Variants in KCNIP4 observed in about 807,000 individuals in gnomAD.
KCNIP4 encodes the protein potassium voltage-gated channel interacting protein 4, also known as Kv channel-interacting protein 4.
KCNIP4 carries 12 observed loss-of-function variants against 34.0 expected under a neutral mutation model. That is an observed-to-expected ratio of 0.35 (90% CI 0.23 to 0.57). The LOEUF is 0.57. KCNIP4 is among the 20% of genes least tolerant of loss of function. The pLI is 0.83. For synonymous variants in KCNIP4, 124 were observed against 102.2 expected (o/e 1.21, Z -1.29); for missense variants, 238 against 311.7 (o/e 0.76, Z 1.78).
At chr4:21,049,840 T>C (rs762888095) in intron 1 of KCNIP4, among the ~76,000 whole-genome samples, 3 of 152,250 alleles carry the variant, frequency 2.0e-5, no homozygotes, top group Non-Finnish European at 4.4e-5. Context: ...CTTACAGGCA[T>C]GGTTTTTAAC....
chr4:21,805,838 A>G (rs1481621406), intron 1 of KCNIP4, among the ~76,000 whole-genome samples: 1 of 152,172 alleles, frequency 6.6e-6, no homozygotes, highest in Non-Finnish European at 1.5e-5. Flanking sequence ...TGTGGACTTC[A>G]TATCCAAAGG....
chr4:20,833,329 A>G (rs1202689755), intron 3 of KCNIP4, among the ~76,000 whole-genome samples: 4 of 152,130 alleles, frequency 2.6e-5, no homozygotes, highest in Non-Finnish European at 5.9e-5. Context: ...TACTAAAAAT[A>G]CAAAAATCAG....
chr4:21,152,291 C>A (rs1206409873), intron 1 of KCNIP4, among the ~76,000 whole-genome samples: 1 of 152,010 alleles, frequency 6.6e-6, no homozygotes, highest in Non-Finnish European at 1.5e-5. Flanking sequence ...AAACTGTTGA[C>A]CCTACATCCC....
chr4:21,303,351 C>T (rs16870753), intron 1 of KCNIP4, among the ~76,000 whole-genome samples: 19,613 of 152,172 alleles, frequency 0.13, 1,645 homozygotes, highest in African/African-American at 0.24. Flanking sequence ...TTCTCAGGCT[C>T]CAACCTTAGA....
At chr4:21,640,665 A>G (rs1299753653) in intron 1 of KCNIP4, among the ~76,000 whole-genome samples, 1 of 152,090 alleles carries the variant, frequency 6.6e-6, no homozygotes, top group African/African-American at 2.4e-5. Context: ...TAAATTCAGA[A>G]TCTCTGCTTA....
At chr4:21,080,924 G>A (rs929479555) in intron 1 of KCNIP4, among the ~76,000 whole-genome samples, 1 of 151,868 alleles carries the variant, frequency 6.6e-6, no homozygotes, top group Admixed American at 6.6e-5. Flanking sequence ...AACCCGAAGA[G>A]TAGCATGAAG....
At chr4:20,919,611 G>A (rs552707387) in intron 1 of KCNIP4, among the ~76,000 whole-genome samples, 26 of 149,976 alleles carry the variant, frequency 1.7e-4, no homozygotes, top group Non-Finnish European at 2.9e-4. Context: ...GCTGAGGCAG[G>A]AGAATGGCGT....
chr4:21,636,556 T>C (rs1746180788), intron 1 of KCNIP4, among the ~76,000 whole-genome samples: 1 of 152,172 alleles, frequency 6.6e-6, no homozygotes, highest in Non-Finnish European at 1.5e-5. Context: ...CATTTTTTCC[T>C]GCTGTGTGGC....
chr4:20,883,060 T>C (rs1724897956), intron 1 of KCNIP4, among the ~76,000 whole-genome samples: 2 of 145,490 alleles, frequency 1.4e-5, no homozygotes, highest in African/African-American at 5.1e-5. Context: ...CAAGTATCAC[T>C]AGAAGAGTTA....
chr4:21,304,315 A>C (rs1560273057), intron 1 of KCNIP4, among the ~76,000 whole-genome samples: 1 of 152,174 alleles, frequency 6.6e-6, no homozygotes, highest in Non-Finnish European at 1.5e-5. Flanking sequence ...CCACGCATGA[A>C]GTCGCGGCGC....
intron 1 of KCNIP4, among the ~76,000 whole-genome samples, chr4:21,106,232 C>CTT (rs1417808982): frequency 2.6e-5 from 4 of 150,958 alleles, no homozygotes; most frequent in Admixed American, 2.6e-4. Flanking sequence ...GTCCTGGACT[C>CTT]TTTGGTTGGT....
Position 21,341,090 on chromosome 4 carries a change from C to A in KCNIP4, c.62-458381G>T, listed in dbSNP as rs1207684417. Among the ~76,000 whole-genome samples, 4 of 152,064 alleles carry A rather than the reference C, an allele frequency of 2.6e-5. No homozygotes were observed. In the East Asian group the frequency reaches 5.8e-4, roughly 22 times the overall value. On this transcript the variant is annotated intron_variant, in intron 1 of 8. Coordinates refer to ENST00000382152, the MANE Select transcript of KCNIP4 (RefSeq NM_025221.6). Reference sequence around the variant, plus strand: ...ACACAGCGGAAGGAAAGCTATATGACAATAGAGTCAGATTTTGGAGTAAGT... The same window carrying A: ...ACACAGCGGAAGGAAAGCTATATGAAAATAGAGTCAGATTTTGGAGTAAGT...
chr4:21,703,312 T>C (rs1481631113), intron 1 of KCNIP4, among the ~76,000 whole-genome samples: 3 of 152,096 alleles, frequency 2.0e-5, no homozygotes, highest in Non-Finnish European at 4.4e-5. Context: ...ATAAAATCTT[T>C]CCATTTGCTG....
intron 1 of KCNIP4, among the ~76,000 whole-genome samples, chr4:21,227,390 C>A (rs1370828987): frequency 1.3e-5 from 2 of 152,110 alleles, no homozygotes; most frequent in African/African-American, 4.8e-5. Context: ...GGGAAGCATG[C>A]CCACTAACAA....
At chr4:20,850,977 A>C (rs576936736) in intron 2 of KCNIP4, among the ~76,000 whole-genome samples, 7 of 152,302 alleles carry the variant, frequency 4.6e-5, no homozygotes, top group African/African-American at 1.7e-4. Flanking sequence ...GATTACGTCA[A>C]ACAAAAAGTT....
intron 1 of KCNIP4, among the ~76,000 whole-genome samples, chr4:21,504,264 T>G (rs358561): frequency 0.017 from 2,614 of 151,920 alleles, 79 homozygotes; most frequent in African/African-American, 0.06. Flanking sequence ...GGTCAGGAGT[T>G]CGAGACCAGC....
intron 1 of KCNIP4, among the ~76,000 whole-genome samples, chr4:21,290,481 C>T (rs1191574466): frequency 6.6e-6 from 1 of 152,152 alleles, no homozygotes; most frequent in Non-Finnish European, 1.5e-5. Flanking sequence ...TGTGTATATA[C>T]CAACCTCCCG....
chr4:21,319,489 C>G (rs1204285222), intron 1 of KCNIP4, among the ~76,000 whole-genome samples: 1 of 152,190 alleles, frequency 6.6e-6, no homozygotes, highest in Non-Finnish European at 1.5e-5. Context: ...CTAATGCTAC[C>G]ACCACTCTGC....
In KCNIP4 at chr4:20,769,766, G is replaced by C. The variant is rs894042589; in HGVS notation, c.289-10876C>G. Among the ~76,000 whole-genome samples, 5 of 152,280 alleles carry C rather than the reference G, an allele frequency of 3.3e-5. 1 individual carries two copies. The South Asian group carries it at 1.0e-3, about 32-fold the overall frequency. Reference sequence around the variant, plus strand: ...TCACTGAGGTTGTTGGTAGAATTCAGCTTCTGTGGTTGTAGGGCCCAGGTC... The same window carrying C: ...TCACTGAGGTTGTTGGTAGAATTCACCTTCTGTGGTTGTAGGGCCCAGGTC... On this transcript the variant is annotated intron_variant, in intron 3 of 8. Transcript: ENST00000382152.
Sources: gnomAD v4.1 joint callset for allele counts (sites outside exome capture counted in the v4.1 genomes callset) on GRCh38, gnomAD v4.1.1 for gene constraint, MANE v1.5 for transcripts, NCBI Gene and HGNC (gene_info 2026-07-23, HGNC 2026-07-21) for gene names.